The following CLSTN2 variants were observed in gnomAD, a reference collection of about 807,000 sequenced individuals.
The protein encoded by CLSTN2 is calsyntenin 2.
Under a neutral mutation model 101.2 loss-of-function variants are expected in CLSTN2, and 48 were observed. The observed-to-expected ratio is 0.47, with a 90% confidence interval of 0.38 to 0.60. CLSTN2 has a LOEUF of 0.60. Among genes scored for constraint, CLSTN2 ranks in the 20% least tolerant of loss-of-function variants. The probability of loss-of-function intolerance (pLI) is 0.00; values close to 1 mark genes in which losing one functional copy is unlikely to be tolerated. For missense variants in CLSTN2, 1,160 were observed against 1,238.2 expected (o/e 0.94, Z 0.95); for synonymous variants, 481 against 463.6 (o/e 1.04, Z -0.48).
At chr3:140,365,954 C>A (rs1373772431) in intron 2 of CLSTN2, among the ~76,000 whole-genome samples, 6 of 152,196 alleles carry the variant, frequency 3.9e-5, no homozygotes, top group African/African-American at 1.4e-4. Context: ...CGCTCCAGGG[C>A]GTCTCCTCAC....
chr3:140,084,476 G>A (rs545629564), intron 1 of CLSTN2, among the ~76,000 whole-genome samples: 10 of 152,282 alleles, frequency 6.6e-5, no homozygotes, highest in African/African-American at 1.4e-4. Flanking sequence ...ATGTAGATAC[G>A]TATGCATTCA....
chr3:139,945,248 G>C (rs759458283), intron 1 of CLSTN2, among the ~76,000 whole-genome samples: 2 of 152,178 alleles, frequency 1.3e-5, no homozygotes, highest in Non-Finnish European at 2.9e-5. Flanking sequence ...ATCCACTGAT[G>C]AGTTGTGAGG....
chr3:140,251,701 TATGCTTC>T (rs1485059135), intron 2 of CLSTN2, among the ~76,000 whole-genome samples: 1 of 151,792 alleles, frequency 6.6e-6, no homozygotes, highest in Admixed American at 6.6e-5. Context: ...GAGCCAAGCC[TATGCTTC>T]ATGCTGCCAA....
intron 1 of CLSTN2, among the ~76,000 whole-genome samples, chr3:139,939,315 TC>T (rs1208515612): frequency 9.9e-5 from 15 of 152,226 alleles, no homozygotes; most frequent in Non-Finnish European, 2.2e-4. Context: ...TTAGCCCATT[TC>T]ACAGATGAAG....
At chr3:140,308,376 G>T (rs1377197298) in intron 2 of CLSTN2, among the ~76,000 whole-genome samples, 2 of 152,188 alleles carry the variant, frequency 1.3e-5, no homozygotes, top group African/African-American at 4.8e-5. Flanking sequence ...TATCAAGGAA[G>T]GTAGCATTGG....
At chr3:140,073,432 C>T (rs11706816) in intron 1 of CLSTN2, among the ~76,000 whole-genome samples, 2 of 152,204 alleles carry the variant, frequency 1.3e-5, no homozygotes, top group African/African-American at 2.4e-5. Context: ...GCTGCCTCAC[C>T]AGCTGACTAA....
chr3:139,965,408 G>A (rs1935577307), intron 1 of CLSTN2, among the ~76,000 whole-genome samples: 1 of 152,198 alleles, frequency 6.6e-6, no homozygotes, highest in South Asian at 2.1e-4. Flanking sequence ...TCAAGCTGAT[G>A]TGTCTCCGAT....
intron 7 of CLSTN2, among the ~76,000 whole-genome samples, chr3:140,463,321 C>T (rs1446082854): frequency 6.6e-6 from 1 of 152,208 alleles, no homozygotes; most frequent in Non-Finnish European, 1.5e-5. Flanking sequence ...CACTTCCCTA[C>T]AGGGCTTTCT....
intron 2 of CLSTN2, among the ~76,000 whole-genome samples, chr3:140,282,178 A>G (rs539560984): frequency 3.9e-5 from 6 of 152,314 alleles, no homozygotes; most frequent in Admixed American, 1.3e-4. Flanking sequence ...TCCATGAGCC[A>G]GCTCTGAATG....
At chr3:140,284,258 A>G (rs1412183840) in intron 2 of CLSTN2, among the ~76,000 whole-genome samples, 3 of 152,150 alleles carry the variant, frequency 2.0e-5, no homozygotes, top group Non-Finnish European at 1.5e-5. Flanking sequence ...TTTAAAAAAT[A>G]CAAGAACAAA....
At chr3:140,552,150 G>A (rs980846146) in intron 10 of CLSTN2, among the ~76,000 whole-genome samples, 4 of 152,104 alleles carry the variant, frequency 2.6e-5, no homozygotes, top group African/African-American at 9.7e-5. Context: ...CTGTGGGGCT[G>A]CAGATGCCAG....
At chr3:140,084,908 G>A (rs553437774) in intron 1 of CLSTN2, among the ~76,000 whole-genome samples, 3 of 152,340 alleles carry the variant, frequency 2.0e-5, no homozygotes, top group Admixed American at 6.5e-5. Context: ...ATGAGTTTGT[G>A]TGAACTGAAT....
intron 1 of CLSTN2, among the ~76,000 whole-genome samples, chr3:140,124,784 G>A (rs903307495): frequency 3.3e-5 from 5 of 152,162 alleles, no homozygotes; most frequent in Admixed American, 6.5e-5. Context: ...ATGAAATGGT[G>A]GCATCATCAG....
intron 1 of CLSTN2, among the ~76,000 whole-genome samples, chr3:140,162,040 C>T (rs544480027): frequency 2.6e-5 from 4 of 152,250 alleles, no homozygotes; most frequent in African/African-American, 4.8e-5. Flanking sequence ...GGAAGAGTCT[C>T]ATTGTTTTAC....
intron 2 of CLSTN2, among the ~76,000 whole-genome samples, chr3:140,391,027 C>T (rs976582208): frequency 9.2e-5 from 14 of 152,278 alleles, no homozygotes; most frequent in South Asian, 8.3e-4. Flanking sequence ...GTTCTGGTCT[C>T]GGTTCAAAAG....
At chr3:139,985,088 C>T (rs1167952360) in intron 1 of CLSTN2, among the ~76,000 whole-genome samples, 1 of 152,212 alleles carries the variant, frequency 6.6e-6, no homozygotes, top group East Asian at 1.9e-4. Context: ...CTGTCAGGAT[C>T]TCCTGTCACC....
chr3:140,367,358 C>T (rs549959311), intron 2 of CLSTN2, among the ~76,000 whole-genome samples: 15 of 151,818 alleles, frequency 9.9e-5, no homozygotes, highest in South Asian at 4.2e-4. Flanking sequence ...ACTAAAAATA[C>T]GAAAATTAAC....
At position 140,544,758 on chromosome 3, in the gene CLSTN2, G is replaced by A. The variant is rs190138611; in HGVS notation, c.1508-1757G>A. On this transcript the variant is annotated intron_variant, in intron 9 of 16. Coordinates refer to ENST00000458420, the MANE Select transcript of CLSTN2 (RefSeq NM_022131.3). The stretch of plus-strand genomic sequence containing the variant: ...GCTCCAGGCAGAGAGAGGGTATGCA[G>A]GGGAGGGGTCCCAGGAGAGGGAGAC... 4.7e-4 allele frequency among the ~76,000 whole-genome samples: 72 copies of A among 152,144 alleles called. 1 individual carries two copies. Among genetic ancestry groups the A allele is most frequent in the African/African-American group, 1.5e-3 (64 of 41,508 alleles).
chr3:140,447,577 T>A (rs955232980), intron 5 of CLSTN2, among the ~76,000 whole-genome samples: 8 of 152,214 alleles, frequency 5.3e-5, no homozygotes, highest in Non-Finnish European at 1.2e-4. Context: ...CCACATTATT[T>A]TTTCACTAAA....
Sources: gnomAD v4.1 joint callset for allele counts (sites outside exome capture counted in the v4.1 genomes callset) on GRCh38, gnomAD v4.1.1 for gene constraint, MANE v1.5 for transcripts, NCBI Gene and HGNC (gene_info 2026-07-23, HGNC 2026-07-21) for gene names.